The following RBM20 variants were observed in gnomAD, a reference collection of about 807,000 sequenced individuals.
RBM20 encodes the protein RNA binding motif protein 20.
Under a neutral mutation model 110.1 loss-of-function variants are expected in RBM20, and 51 were observed. That is an observed-to-expected ratio of 0.46 (90% CI 0.37 to 0.59). RBM20 has a LOEUF of 0.59. Among genes scored for constraint, RBM20 ranks in the 20% least tolerant of loss-of-function variants. RBM20 has a pLI of 0.00. For synonymous variants in RBM20, 589 were observed against 618.2 expected, an observed-to-expected ratio of 0.95 and a Z score of 0.70; for missense variants, 1,512 against 1,574.9, an observed-to-expected ratio of 0.96 and a Z score of 0.68.
intron 6 of RBM20, 93 bp downstream of exon 6, chr10:110,797,741 C>T: frequency 7.5e-7 from 1 of 1,330,008 alleles, no homozygotes; most frequent in South Asian, 1.4e-5. Context: ...CCATTCTTAA[C>T]ATAAAGAGGC....
At chr10:110,828,002 A>C (rs928652297) in intron 12 of RBM20, 10 of 151,966 alleles carry the variant, frequency 6.6e-5, no homozygotes, top group African/African-American at 2.2e-4. Flanking sequence ...AGTACACTGC[A>C]CTCTGCACTT....
chr10:110,732,335 T>C (rs1843628162), intron 1 of RBM20, among the ~76,000 whole-genome samples: 1 of 152,220 alleles, frequency 6.6e-6, no homozygotes, highest in Non-Finnish European at 1.5e-5. Context: ...TCCATGCTCT[T>C]TCCTATGAGA....
At chr10:110,711,252 C>A (rs112535543) in intron 1 of RBM20, among the ~76,000 whole-genome samples, 17,602 of 145,936 alleles carry the variant, frequency 0.12, 1,099 homozygotes, top group African/African-American at 0.16. Flanking sequence ...ATTGCTTGAA[C>A]CTGGGAGGCG....
intron 7 of RBM20, among the ~76,000 whole-genome samples, chr10:110,804,500 A>G (rs1262602727): frequency 1.3e-5 from 2 of 152,234 alleles, no homozygotes; most frequent in East Asian, 3.9e-4. Flanking sequence ...GAGAAGGGAG[A>G]GATTTTAAGG....
At chr10:110,696,622 C>T (rs552696024) in intron 1 of RBM20, among the ~76,000 whole-genome samples, 4 of 152,182 alleles carry the variant, frequency 2.6e-5, no homozygotes, top group East Asian at 3.9e-4. Context: ...ATGGGCCAAG[C>T]GCAACCGTGG....
At position 110,821,734 on chromosome 10, in the gene RBM20, C is replaced by G. The variant is rs727503392; in HGVS notation, c.3115C>G (p.Pro1039Ala). The change falls in exon 11 of 14, where the codon CCA (proline) becomes GCA (alanine). Residue 1039 changes from proline (P) to alanine (A), a missense_variant. By Grantham distance (27) the Pro-to-Ala change is conservative. This residue lies in a region of RBM20 where 358 missense variants were observed against 384.2 expected (regional missense o/e 0.93). Coordinates refer to ENST00000369519, the MANE Select transcript of RBM20 (RefSeq NM_001134363.3). The part of the protein sequence containing the change: ...AKGVESSDVH[P>A]APTVQQMSSP... ...GGGAGTGGAGAGCTCAGATGTTCATCCAGCCCCTACAGTCCAGCAAATGTC... is the reference window on the plus strand; with the variant it reads ...GGGAGTGGAGAGCTCAGATGTTCATGCAGCCCCTACAGTCCAGCAAATGTC... 1 of 1,551,772 alleles carries G rather than the reference C, an allele frequency of 6.4e-7. No individual in the cohort carries two copies. The highest frequency in any genetic ancestry group is 1.2e-5 in the South Asian group (1 of 84,064).
intron 1 of RBM20, among the ~76,000 whole-genome samples, chr10:110,653,884 C>T (rs762868883): frequency 6.6e-5 from 10 of 152,100 alleles, no homozygotes; most frequent in Non-Finnish European, 1.3e-4. Flanking sequence ...CCAAGTATAC[C>T]CACCTCTTTC....
intron 7 of RBM20, among the ~76,000 whole-genome samples, chr10:110,806,816 T>TG (rs1180525976): frequency 6.6e-6 from 1 of 152,264 alleles, no homozygotes; most frequent in African/African-American, 2.4e-5. Context: ...TCAATTTTTC[T>TG]GGGGTGATTA....
chr10:110,805,073 G>A (rs1844678013), intron 7 of RBM20, among the ~76,000 whole-genome samples: 1 of 152,220 alleles, frequency 6.6e-6, no homozygotes, highest in African/African-American at 2.4e-5. Context: ...TCTTCTCTAT[G>A]TGCTGATAGT....
intron 7 of RBM20, among the ~76,000 whole-genome samples, chr10:110,809,031 A>G (rs947030432): frequency 2.0e-5 from 3 of 151,972 alleles, no homozygotes; most frequent in African/African-American, 7.2e-5. Flanking sequence ...CCCTGGCAAC[A>G]TAGCGAGACC....
At chr10:110,746,475 G>A (rs188102935) in intron 1 of RBM20, among the ~76,000 whole-genome samples, 90 of 152,262 alleles carry the variant, frequency 5.9e-4, no homozygotes, top group Admixed American at 5.6e-3. Context: ...GATTTAAAAG[G>A]TTGCTCAACT....
At chr10:110,716,230 A>C (rs1489554244) in intron 1 of RBM20, among the ~76,000 whole-genome samples, 1 of 152,216 alleles carries the variant, frequency 6.6e-6, no homozygotes, top group Non-Finnish European at 1.5e-5. Context: ...GGGCAGAAGC[A>C]GTCCCCTTAG....
At chr10:110,829,658 G>A (rs925284810) in intron 12 of RBM20, among the ~76,000 whole-genome samples, 1 of 152,210 alleles carries the variant, frequency 6.6e-6, no homozygotes, top group Non-Finnish European at 1.5e-5. Flanking sequence ...GCTTCCTTCT[G>A]ACAGGGTCTC....
At chr10:110,805,547 T>A (rs1291295671) in intron 7 of RBM20, among the ~76,000 whole-genome samples, 3 of 152,224 alleles carry the variant, frequency 2.0e-5, no homozygotes, top group Non-Finnish European at 4.4e-5. Context: ...CTTTTACGGG[T>A]GTAGCCTGCC....
chr10:110,755,682 G>A (rs1843911973), intron 1 of RBM20, among the ~76,000 whole-genome samples: 1 of 152,202 alleles, frequency 6.6e-6, no homozygotes, highest in Non-Finnish European at 1.5e-5. Context: ...ATGGGATATT[G>A]ACCTGGTGTC....
intron 1 of RBM20, among the ~76,000 whole-genome samples, chr10:110,718,622 C>CTT (rs1370907526): frequency 1.3e-4 from 8 of 60,088 alleles, no homozygotes; most frequent in East Asian, 5.1e-4. Context: ...TTTTTTTTTT[C>CTT]TTTTTTTTTT....
In RBM20 at chr10:110,823,453, TTTTTTGCC is replaced by T; in HGVS notation, c.3317-24_3317-17del. ...TTTCTTTTTTTTTTTTTTTTTTTTT[TTTTTTGCC>T]TTGGTTCATGTTTTGCAGAAAACTC... On this transcript the variant is annotated intron_variant, in intron 11 of 13. Coordinates refer to ENST00000369519, the MANE Select transcript of RBM20 (RefSeq NM_001134363.3). The T allele has an allele frequency of 1.2e-6, 1 of 862,594 alleles. No homozygotes were observed. Among genetic ancestry groups the T allele is most frequent in the Admixed American group, 6.2e-5 (1 of 16,086 alleles). The allele number at this position is 862,594 out of a possible 1,614,324, so 53.4% of individuals were successfully genotyped here. A position where few individuals can be genotyped will look rare whatever the true frequency, so the allele number is the denominator to read the frequency against.
chr10:110,751,935 A>T (rs539628617), intron 1 of RBM20, among the ~76,000 whole-genome samples: 14 of 152,034 alleles, frequency 9.2e-5, no homozygotes, highest in Non-Finnish European at 1.8e-4. Context: ...AGGAAAGTAC[A>T]GAGATTTCCG....
At chr10:110,792,133 CTCTATCTGTCTA>C (rs1184153189) in intron 5 of RBM20, among the ~76,000 whole-genome samples, 2 of 144,420 alleles carry the variant, frequency 1.4e-5, no homozygotes, top group African/African-American at 5.4e-5. Context: ...CTCTATCTTC[CTCTATCTGTCTA>C]TCTATCTATC....
Sources: gnomAD v4.1 joint callset for allele counts (sites outside exome capture counted in the v4.1 genomes callset) on GRCh38, gnomAD v4.1.1 for gene constraint, gnomAD v4.1.1 regional missense constraint, MANE v1.5 for transcripts, NCBI Gene and HGNC (gene_info 2026-07-23, HGNC 2026-07-21) for gene names.